ANKS1A: variants seen among roughly 807,000 people sequenced by gnomAD.
The protein encoded by ANKS1A is ankyrin repeat and SAM domain-containing protein 1A.
ANKS1A carries 55 observed loss-of-function variants against 120.3 expected under a neutral mutation model. That is an observed-to-expected ratio of 0.46 (90% CI 0.37 to 0.57). ANKS1A has a LOEUF of 0.57. Among genes scored for constraint, ANKS1A ranks in the 20% least tolerant of loss-of-function variants. The probability of loss-of-function intolerance (pLI) is 0.00; values close to 1 mark genes in which losing one functional copy is unlikely to be tolerated. For missense variants in ANKS1A, 1,123 were observed against 1,480.3 expected (o/e 0.76, Z 3.96); for synonymous variants, 590 against 604.7 (o/e 0.98, Z 0.36).
intron 13 of ANKS1A, among the ~76,000 whole-genome samples, chr6:35,062,614 T>G (rs1055309805): frequency 2.6e-5 from 4 of 152,192 alleles, no homozygotes; most frequent in African/African-American, 9.7e-5. Flanking sequence ...TGTTTGACAG[T>G]CATGGTGTTG....
At chr6:34,938,697 A>G (rs1035969353) in intron 1 of ANKS1A, among the ~76,000 whole-genome samples, 1 of 110,788 alleles carries the variant, frequency 9.0e-6, no homozygotes, top group African/African-American at 5.6e-5. Context: ...CTTATAAAAC[A>G]AGTATTTCTG....
At position 35,089,968 on chromosome 6, in the gene ANKS1A, A is replaced by G. The variant is rs1778210817; in HGVS notation, c.*1359A>G. The G allele has an allele frequency of 8.6e-7, 1 of 1,165,866 alleles. No homozygotes were observed. Among genetic ancestry groups the G allele is most frequent in the Non-Finnish European group, 1.1e-6 (1 of 928,560 alleles). 72.2% of individuals were successfully genotyped at this position (1,165,866 alleles called of 1,614,324 possible). ...CCAGCCAGCAAAGGCTGTGAATTTG[A>G]ATTCTTTGTTGGTATGTATGTGCAG... On this transcript the variant is annotated 3_prime_UTR_variant, in exon 24 of 24. Coordinates refer to ENST00000360359, the MANE Select transcript of ANKS1A (RefSeq NM_015245.3).
intron 1 of ANKS1A, among the ~76,000 whole-genome samples, chr6:34,905,368 G>A (rs888124853): frequency 1.8e-4 from 28 of 152,198 alleles, no homozygotes; most frequent in African/African-American, 6.5e-4. Flanking sequence ...TCAATGCAAA[G>A]TCCAGCCCAT....
At chr6:34,965,343 AATTTT>A (rs1363394647) in intron 1 of ANKS1A, among the ~76,000 whole-genome samples, 3 of 151,984 alleles carry the variant, frequency 2.0e-5, no homozygotes, top group African/African-American at 4.8e-5. Context: ...CTATTGCTAA[AATTTT>A]ATTTTATTAT....
chr6:34,976,334 C>G (rs1771583520), intron 3 of ANKS1A, among the ~76,000 whole-genome samples: 1 of 152,056 alleles, frequency 6.6e-6, no homozygotes, highest in South Asian at 2.1e-4. Context: ...TTTTTAGGAG[C>G]TTTCATGTTC....
chr6:34,989,179 C>G, intron 8 of ANKS1A, 45 bp from the exon 9 acceptor site: 1 of 1,593,830 alleles, frequency 6.3e-7, no homozygotes, highest in Non-Finnish European at 8.6e-7. Context: ...AAATTAGATA[C>G]TTAAAAAAGA....
chr6:34,905,750 A>T (rs2127452358), intron 1 of ANKS1A, among the ~76,000 whole-genome samples: 1 of 152,122 alleles, frequency 6.6e-6, no homozygotes, highest in Admixed American at 6.5e-5. Context: ...TCTTTCATTG[A>T]TTTTTATTTT....
At chr6:35,097,776 T>A in the ANKS1A span, among the ~76,000 whole-genome samples, 1 of 152,088 alleles carries the variant, frequency 6.6e-6, no homozygotes, top group South Asian at 2.1e-4. Flanking sequence ...TGGAGACTGT[T>A]CTTCTTATAC....
At chr6:34,993,971 T>C (rs1472555180) in intron 9 of ANKS1A, among the ~76,000 whole-genome samples, 1 of 152,132 alleles carries the variant, frequency 6.6e-6, no homozygotes, top group Non-Finnish European at 1.5e-5. Context: ...TTTTGTTTTT[T>C]TGTTTTTGTT....
At chr6:35,029,175 T>C (rs186351397) in intron 11 of ANKS1A, among the ~76,000 whole-genome samples, 118 of 152,248 alleles carry the variant, frequency 7.8e-4, no homozygotes, top group African/African-American at 2.7e-3. Context: ...AACGTTGTTA[T>C]TGAATTGATC....
chr6:35,048,562 C>T (rs1775826169), intron 11 of ANKS1A, among the ~76,000 whole-genome samples: 1 of 152,100 alleles, frequency 6.6e-6, no homozygotes, highest in African/African-American at 2.4e-5. Flanking sequence ...CTTTGTTTTC[C>T]TGAGGCCATG....
At chr6:34,913,507 T>G (rs1767999507) in intron 1 of ANKS1A, among the ~76,000 whole-genome samples, 1 of 152,212 alleles carries the variant, frequency 6.6e-6, no homozygotes, top group Non-Finnish European at 1.5e-5. Flanking sequence ...TTTTAGTTTT[T>G]GTAGAGACAA....
intron 10 of ANKS1A, among the ~76,000 whole-genome samples, chr6:35,007,876 G>A (rs1286692868): frequency 1.3e-5 from 2 of 152,178 alleles, no homozygotes; most frequent in African/African-American, 4.8e-5. Context: ...GGGAGGAAAC[G>A]GTTTTTAGCT....
chr6:35,065,228 C>T (rs1174103306), intron 13 of ANKS1A, among the ~76,000 whole-genome samples: 1 of 125,268 alleles, frequency 8.0e-6, no homozygotes, highest in Non-Finnish European at 1.8e-5. Flanking sequence ...CTTTCACTGC[C>T]TGACTGCAGC....
chr6:34,955,111 G>A (rs920770920), intron 1 of ANKS1A, among the ~76,000 whole-genome samples: 1 of 149,642 alleles, frequency 6.7e-6, no homozygotes, highest in African/African-American at 2.5e-5. Context: ...TCTTCCTGTT[G>A]ATTTTTCTGA....
intron 8 of ANKS1A, among the ~76,000 whole-genome samples, chr6:34,987,224 G>T (rs1301545447): frequency 6.6e-6 from 1 of 152,148 alleles, no homozygotes; most frequent in Non-Finnish European, 1.5e-5. Context: ...AATCACTGTG[G>T]TACTTCTAAG....
At chr6:34,895,069 G>A (rs2127441869) in intron 1 of ANKS1A, among the ~76,000 whole-genome samples, 1 of 152,144 alleles carries the variant, frequency 6.6e-6, no homozygotes, top group East Asian at 1.9e-4. Context: ...AAGGAATGAA[G>A]CATGAAAAAT....
Position 35,076,206 on chromosome 6 carries a change from G to A in ANKS1A, c.2185-2352G>A, listed in dbSNP as rs183980577. Among the ~76,000 whole-genome samples, 504 of 152,270 alleles carry A rather than the reference G, an allele frequency of 3.3e-3. 5 individuals carry two copies. Among genetic ancestry groups the A allele is most frequent in the African/African-American group, 0.011 (464 of 41,568 alleles). On this transcript the variant is annotated intron_variant, in intron 13 of 23. Coordinates refer to ENST00000360359, the MANE Select transcript of ANKS1A (RefSeq NM_015245.3). ...TGGGAGGCCGAGATGGGCGGATCAC[G>A]AGGTCAGGAGATCGAGACCATCCTG...
chr6:35,078,706 C>CA, intron 14 of ANKS1A, 50 bp downstream of exon 14: 1 of 1,532,282 alleles, frequency 6.5e-7, no homozygotes, highest in East Asian at 2.2e-5. Context: ...CCAGGGCCAC[C>CA]TCCCTAGCAC....
Sources: allele counts gnomAD v4.1 joint callset (sites outside exome capture counted in the v4.1 genomes callset), GRCh38; gene constraint gnomAD v4.1.1; transcripts MANE v1.5; gene names NCBI Gene and HGNC (gene_info 2026-07-23, HGNC 2026-07-21).